PIP5K1A: variants seen among roughly 807,000 people sequenced by gnomAD.
PIP5K1A encodes the protein phosphatidylinositol-4-phosphate 5-kinase type 1 alpha, also known as phosphatidylinositol 4-phosphate 5-kinase type-1 alpha.
PIP5K1A carries 46 observed loss-of-function variants against 72.9 expected under a neutral mutation model. That is an observed-to-expected ratio of 0.63 (90% CI 0.50 to 0.81). PIP5K1A has a LOEUF of 0.81. Ranked by LOEUF, PIP5K1A falls within the 30% of genes least tolerant of loss-of-function variation. The pLI is 0.00. For synonymous variants in PIP5K1A, 228 were observed against 255.1 expected, an observed-to-expected ratio of 0.89 and a Z score of 1.01; for missense variants, 458 against 706.1, an observed-to-expected ratio of 0.65 and a Z score of 3.98.
intron 1 of PIP5K1A, among the ~76,000 whole-genome samples, chr1:151,210,074 G>A (rs1458419839): frequency 6.6e-6 from 1 of 151,776 alleles, no homozygotes; most frequent in Non-Finnish European, 1.5e-5. Context: ...AGTAGAGACG[G>A]GGTTTTGCCA....
rs369523470 is a variant in PIP5K1A, at chr1:151,236,821, C to CTTTTTTTTTTTTT, written c.1145+68_1145+80dup. The CTTTTTTTTTTTTT allele has an allele frequency of 1.9e-4, 97 of 498,708 alleles. 1 individual carries two copies. The highest frequency in any genetic ancestry group is 6.1e-4 in the Middle Eastern group (1 of 1,650). 30.9% of individuals were successfully genotyped at this position (498,708 alleles called of 1,614,324 possible). On this transcript the variant is annotated intron_variant, in intron 9 of 15. Transcript: ENST00000368888. ...CATAGGCCCACAGCACTTTTCTTTTCTTTTTTTTTTTTTTTTTTTTTTAGT... is the reference window on the plus strand; with the variant it reads ...CATAGGCCCACAGCACTTTTCTTTTCTTTTTTTTTTTTTTTTTTTTTTTTTTTTTTTTTTTAGT...
At chr1:151,222,260 TGA>T (rs1271712309) in intron 1 of PIP5K1A, among the ~76,000 whole-genome samples, 1 of 152,222 alleles carries the variant, frequency 6.6e-6, no homozygotes, top group African/African-American at 2.4e-5. Context: ...TCACTTGGTC[TGA>T]GTGTTATTAC....
chr1:151,205,249 C>T (rs994016441), intron 1 of PIP5K1A, among the ~76,000 whole-genome samples: 1 of 152,158 alleles, frequency 6.6e-6, no homozygotes, highest in African/African-American at 2.4e-5. Context: ...GATCTTGGCT[C>T]ACTGCAGCCC....
intron 9 of PIP5K1A, 34 bp downstream of exon 9, chr1:151,236,797 A>G (rs760191592): frequency 7.7e-7 from 1 of 1,293,538 alleles, no homozygotes. Flanking sequence ...GGGGGAGAAC[A>G]TAGGCCCACA....
At chr1:151,205,793 G>A (rs1022584404) in intron 1 of PIP5K1A, among the ~76,000 whole-genome samples, 2 of 151,786 alleles carry the variant, frequency 1.3e-5, no homozygotes, top group Non-Finnish European at 2.9e-5. Flanking sequence ...GCAAGACTCC[G>A]TCTCAAAAAA....
chr1:151,216,871 A>G (rs897594218), intron 1 of PIP5K1A, among the ~76,000 whole-genome samples: 1 of 148,098 alleles, frequency 6.8e-6, no homozygotes, highest in Non-Finnish European at 1.5e-5. Flanking sequence ...ATTTTAACCA[A>G]CCTACCCAAG....
At chr1:151,236,784 T>TAGGG in intron 9 of PIP5K1A, 21 bp downstream of exon 9, 1 of 1,490,234 alleles carries the variant, frequency 6.7e-7, no homozygotes, top group Non-Finnish European at 9.3e-7. Context: ...TCAGGGCCAC[T>TAGGG]AGGGGGGAGA....
At chr1:151,214,623 C>G (rs141224225) in intron 1 of PIP5K1A, among the ~76,000 whole-genome samples, 1 of 152,090 alleles carries the variant, frequency 6.6e-6, no homozygotes, top group South Asian at 2.1e-4. Flanking sequence ...TCAAGTGATC[C>G]GCTTGCCTCA....
Position 151,224,243 on chromosome 1 carries a change from A to G in PIP5K1A, c.86-2A>G, listed in dbSNP as rs763484330. ...TTATGATTGTTTTTTTTTCCCCCCT[A>G]GCAGCATCTGGAATCAAGAGACCCA... On this transcript the variant is annotated splice_acceptor_variant, in intron 1 of 15. Coordinates refer to ENST00000368888, the MANE Select transcript of PIP5K1A (RefSeq NM_001135638.2). LOFTEE classifies it high-confidence loss of function. 6.8e-6 allele frequency: 11 copies of G among 1,612,456 alleles called. No individual in the cohort carries two copies. The East Asian group carries it at 2.0e-4, about 29-fold the overall frequency.
At chr1:151,221,812 T>C (rs902064252) in intron 1 of PIP5K1A, among the ~76,000 whole-genome samples, 3 of 152,224 alleles carry the variant, frequency 2.0e-5, no homozygotes, top group Non-Finnish European at 4.4e-5. Context: ...TGGTGCAGTC[T>C]GATAGTCCCA....
At chr1:151,222,154 T>G (rs1345598372) in intron 1 of PIP5K1A, among the ~76,000 whole-genome samples, 1 of 152,190 alleles carries the variant, frequency 6.6e-6, no homozygotes, top group Non-Finnish European at 1.5e-5. Context: ...TCTCTTCTGT[T>G]CATTGGTAGG....
At chr1:151,196,751 G>A (rs587659296), upstream of PIP5K1A, among the ~76,000 whole-genome samples, 96 of 151,810 alleles carry the variant, frequency 6.3e-4, no homozygotes, top group African/African-American at 2.3e-3. Flanking sequence ...AGTAGAGACG[G>A]CGTTTCTCCA....
chr1:151,221,442 T>C (rs1049181037), intron 1 of PIP5K1A, among the ~76,000 whole-genome samples: 3 of 152,172 alleles, frequency 2.0e-5, no homozygotes, highest in African/African-American at 7.2e-5. Flanking sequence ...TACCCACCCT[T>C]GGGTAATAGG....
At chr1:151,199,708 A>G (rs924160244) in intron 1 of PIP5K1A, among the ~76,000 whole-genome samples, 2 of 151,882 alleles carry the variant, frequency 1.3e-5, no homozygotes, top group Admixed American at 1.3e-4. Flanking sequence ...AAGTAGAGAG[A>G]ACTACTTAGT....
intron 1 of PIP5K1A, among the ~76,000 whole-genome samples, chr1:151,201,142 T>A (rs1685168809): frequency 6.6e-6 from 1 of 152,174 alleles, no homozygotes; most frequent in South Asian, 2.1e-4. Context: ...CCTGGGTTTT[T>A]ATTTTTAATA....
At chr1:151,242,899 C>T (rs1691962348) in intron 14 of PIP5K1A, among the ~76,000 whole-genome samples, 1 of 152,134 alleles carries the variant, frequency 6.6e-6, no homozygotes, top group African/African-American at 2.4e-5. Flanking sequence ...GGCCTTAGTT[C>T]CTTGCTGGCT....
intron 14 of PIP5K1A, among the ~76,000 whole-genome samples, chr1:151,245,346 T>G (rs1404322908): frequency 6.6e-6 from 1 of 152,142 alleles, no homozygotes; most frequent in African/African-American, 2.4e-5. Context: ...CCAATAAAAT[T>G]TTTCTCACTT....
chr1:151,214,590 AG>A (rs1687305025), intron 1 of PIP5K1A, among the ~76,000 whole-genome samples: 1 of 152,144 alleles, frequency 6.6e-6, no homozygotes, highest in African/African-American at 2.4e-5. Context: ...CATGTTGGTC[AG>A]GCTGGTCTCG....
intron 4 of PIP5K1A, among the ~76,000 whole-genome samples, chr1:151,231,013 C>G (rs749671925): frequency 1.1e-3 from 166 of 152,204 alleles, no homozygotes; most frequent in Non-Finnish European, 1.7e-3. Flanking sequence ...TGAGACCAGC[C>G]TGACCAACAT....
Sources: allele counts gnomAD v4.1 joint callset (sites outside exome capture counted in the v4.1 genomes callset), GRCh38; gene constraint gnomAD v4.1.1; transcripts MANE v1.5; gene names NCBI Gene and HGNC (gene_info 2026-07-23, HGNC 2026-07-21).